The following ADRA1A variants were observed in gnomAD, a reference collection of about 807,000 sequenced individuals.
The protein encoded by ADRA1A is adrenoceptor alpha 1A.
ADRA1A carries 31 observed loss-of-function variants against 29.6 expected under a neutral mutation model. The ratio of observed to expected loss-of-function variants is 1.05; its 90% CI spans 0.79 to 1.41. The LOEUF (loss-of-function observed/expected upper bound fraction) is 1.41. ADRA1A is among the 40% of genes most tolerant of loss of function. ADRA1A has a pLI of 0.00. For missense variants in ADRA1A, 619 were observed against 601.1 expected, an observed-to-expected ratio of 1.03 and a Z score of -0.31; for synonymous variants, 311 against 254.3, an observed-to-expected ratio of 1.22 and a Z score of -2.12.
rs1443905285 is a variant in ADRA1A at position 26,769,395 on chromosome 8, G to A, written c.*754C>T. On this transcript the variant is annotated 3_prime_UTR_variant, in exon 3 of 3. Coordinates refer to ENST00000380573, the MANE Select transcript of ADRA1A (RefSeq NM_000680.4). ...TCTCTAGTAGTTAAATTGAAAGAAT[G>A]ATGCTCAGGTCTATTGTTTTCTCTT... 3 of 985,326 alleles carry A rather than the reference G, an allele frequency of 3.0e-6. No homozygotes were observed. Among genetic ancestry groups the A allele is most frequent in the African/African-American group, 1.7e-5 (1 of 57,252 alleles). The allele number at this position is 985,326 out of a possible 1,614,324, so 61.0% of individuals were successfully genotyped here.
At chr8:26,812,727 C>A (rs1001247288) in intron 2 of ADRA1A, among the ~76,000 whole-genome samples, 1 of 151,544 alleles carries the variant, frequency 6.6e-6, no homozygotes, top group Admixed American at 6.6e-5. Context: ...TGCAGTGGCG[C>A]GGTCTCGGCT....
At chr8:26,767,982 G>C (rs1239069608), downstream of ADRA1A, among the ~76,000 whole-genome samples, 1 of 152,142 alleles carries the variant, frequency 6.6e-6, no homozygotes, top group Non-Finnish European at 1.5e-5. Flanking sequence ...CACAGAGAGA[G>C]AACAGAAGAG....
chr8:26,807,518 T>A (rs1346310758), intron 2 of ADRA1A, among the ~76,000 whole-genome samples: 1 of 152,202 alleles, frequency 6.6e-6, no homozygotes, highest in Non-Finnish European at 1.5e-5. Flanking sequence ...TGTTGCATTG[T>A]TAATTTTGGT....
At chr8:26,829,366 G>C (rs565667134) in intron 2 of ADRA1A, among the ~76,000 whole-genome samples, 1 of 152,284 alleles carries the variant, frequency 6.6e-6, no homozygotes, top group East Asian at 1.9e-4. Context: ...ACAAGATGGT[G>C]CCTGGGGAAC....
At chr8:26,858,197 C>G (rs1436284107) in intron 2 of ADRA1A, among the ~76,000 whole-genome samples, 1 of 152,224 alleles carries the variant, frequency 6.6e-6, no homozygotes, top group Non-Finnish European at 1.5e-5. Context: ...ATGCTGCCTC[C>G]TTTGATTCAG....
intron 2 of ADRA1A, among the ~76,000 whole-genome samples, chr8:26,810,328 C>T (rs1434629988): frequency 6.6e-6 from 1 of 152,166 alleles, no homozygotes; most frequent in Non-Finnish European, 1.5e-5. Context: ...GGTTTTTTCC[C>T]TTGATCCGTC....
At chr8:26,779,469 C>A in intron 2 of ADRA1A, 1 of 687,974 alleles carries the variant, frequency 1.5e-6, no homozygotes, top group Non-Finnish European at 2.6e-6. Flanking sequence ...TTGATGCTAC[C>A]CCTTCCTATC....
In ADRA1A at chr8:26,848,931, C is replaced by T. The variant is rs1812414312; in HGVS notation, c.883+15156G>A. On this transcript the variant is annotated intron_variant, in intron 2 of 2. Transcript: ENST00000380573. The surrounding 1 kb of genome is among the most constrained non-coding windows in gnomAD (Gnocchi z 4.3). ...TGAAGGACTGAAGGAGAGAATCGCA[C>T]TGCGGGTGACCCACTTCTGCTTCAC... Among the ~76,000 whole-genome samples, 1 of 152,196 alleles carries T rather than the reference C, an allele frequency of 6.6e-6. No homozygotes were observed. Among genetic ancestry groups the T allele is most frequent in the South Asian group, 2.1e-4 (1 of 4,834 alleles).
At chr8:26,752,515 C>G (rs1011959698), downstream of ADRA1A, among the ~76,000 whole-genome samples, 1 of 152,216 alleles carries the variant, frequency 6.6e-6, no homozygotes, top group Admixed American at 6.5e-5. Context: ...TTTACCTATG[C>G]AAGCTTCAAG....
At chr8:26,783,990 CA>C (rs57756642) in intron 2 of ADRA1A, among the ~76,000 whole-genome samples, 59,635 of 151,396 alleles carry the variant, frequency 0.39, 12,721 homozygotes, top group African/African-American at 0.56. Context: ...CACAGGGACA[CA>C]ATGGGGGGAA....
At chr8:26,774,351 A>G (rs1405363602) in intron 2 of ADRA1A, among the ~76,000 whole-genome samples, 1 of 152,186 alleles carries the variant, frequency 6.6e-6, no homozygotes, top group East Asian at 1.9e-4. Flanking sequence ...TGCTTCCTTC[A>G]AGAACTTTCC....
At chr8:26,767,447 G>A (rs892625459), downstream of ADRA1A, among the ~76,000 whole-genome samples, 1 of 152,110 alleles carries the variant, frequency 6.6e-6, no homozygotes, top group Non-Finnish European at 1.5e-5. Flanking sequence ...TTTGGGTGAC[G>A]TTATCAATTT....
chr8:26,849,796 G>A (rs1470166802), intron 2 of ADRA1A, among the ~76,000 whole-genome samples: 1 of 152,110 alleles, frequency 6.6e-6, no homozygotes, highest in Non-Finnish European at 1.5e-5. Context: ...TGATGCGGAG[G>A]ATGATCTCTA....
chr8:26,856,329 G>A (rs1014490133), intron 2 of ADRA1A, among the ~76,000 whole-genome samples: 2 of 152,154 alleles, frequency 1.3e-5, no homozygotes, highest in Non-Finnish European at 2.9e-5. Context: ...CTGCATAAAG[G>A]TCTCCCAACT....
At chr8:26,813,645 A>G (rs73231563) in intron 2 of ADRA1A, among the ~76,000 whole-genome samples, 9,819 of 152,212 alleles carry the variant, frequency 0.065, 370 homozygotes, top group Middle Eastern at 0.085. Flanking sequence ...TATGGAATTC[A>G]TACAAGCCAA....
chr8:26,829,565 G>A (rs1810823188), intron 2 of ADRA1A, among the ~76,000 whole-genome samples: 1 of 152,122 alleles, frequency 6.6e-6, no homozygotes, highest in South Asian at 2.1e-4. Flanking sequence ...ATGATTGAAT[G>A]AATGACGAAA....
At chr8:26,828,390 T>C (rs1810740628) in intron 2 of ADRA1A, among the ~76,000 whole-genome samples, 1 of 152,210 alleles carries the variant, frequency 6.6e-6, no homozygotes, top group African/African-American at 2.4e-5. Context: ...ACTTTGGTGT[T>C]AGGCTCAAGA....
chr8:26,864,171 C>G lies in ADRA1A; in HGVS notation c.799G>C (p.Glu267Gln), dbSNP rs1393618610. Residue 267 changes from glutamate to glutamine, a missense_variant, in exon 2 of 3, where the codon GAG becomes CAG. Physicochemically the swap from Glu to Gln is conservative, Grantham distance 29. Coordinates refer to ENST00000380573, the MANE Select transcript of ADRA1A (RefSeq NM_000680.4). The surrounding 1 kb of genome is among the most constrained non-coding windows in gnomAD (Gnocchi z 8.1). ...CCCAGCGTTTTGGCCGCTTTCTTCT[C>G]CCGGGAGAACTTGAGGAGCCTCACT... ...FSVRLLKFSR[E>Q]KKAAKTLGIV... 5 of 1,614,024 alleles carry G rather than the reference C, an allele frequency of 3.1e-6. No homozygotes were observed. Among genetic ancestry groups the G allele is most frequent in the Non-Finnish European group, 4.2e-6 (5 of 1,180,050 alleles).
intron 2 of ADRA1A, among the ~76,000 whole-genome samples, chr8:26,777,481 G>C (rs1806632878): frequency 6.6e-6 from 1 of 152,208 alleles, no homozygotes; most frequent in Admixed American, 6.5e-5. Flanking sequence ...ATGTCCTAAT[G>C]ATAGAATCTA....
Sources: gnomAD v4.1 joint callset for allele counts (sites outside exome capture counted in the v4.1 genomes callset) on GRCh38, gnomAD v4.1.1 for gene constraint, Gnocchi (gnomAD v3.1) non-coding constraint, MANE v1.5 for transcripts, NCBI Gene and HGNC (gene_info 2026-07-23, HGNC 2026-07-21) for gene names.